The following KCNH7 variants were observed in gnomAD, a reference collection of about 807,000 sequenced individuals.
KCNH7 encodes potassium voltage-gated channel subfamily H member 7.
A neutral mutation model predicts 120.8 loss-of-function variants in KCNH7; 49 were observed. The ratio of observed to expected loss-of-function variants is 0.41; its 90% CI spans 0.32 to 0.51. The LOEUF is 0.51. Ranked by LOEUF, KCNH7 falls within the 20% of genes least tolerant of loss-of-function variation. The pLI is 0.38. For synonymous variants in KCNH7, 547 were observed against 516.1 expected (o/e 1.06, Z -0.81); for missense variants, 1,097 against 1,446.6 (o/e 0.76, Z 3.92).
At chr2:162,396,164 A>G (rs1443391306) in intron 11 of KCNH7, among the ~76,000 whole-genome samples, 1 of 151,808 alleles carries the variant, frequency 6.6e-6, no homozygotes, top group Non-Finnish European at 1.5e-5. Flanking sequence ...GTTAACTTAC[A>G]TATATAATTA....
At chr2:162,746,719 A>T (rs935862868) in intron 2 of KCNH7, among the ~76,000 whole-genome samples, 4 of 152,174 alleles carry the variant, frequency 2.6e-5, no homozygotes, top group Non-Finnish European at 4.4e-5. Context: ...TATGGTGTAA[A>T]CTATGAGTAA....
intron 2 of KCNH7, among the ~76,000 whole-genome samples, chr2:162,599,835 C>T (rs1222414919): frequency 1.3e-5 from 2 of 151,976 alleles, no homozygotes; most frequent in South Asian, 2.1e-4. Context: ...CACAATTATG[C>T]TAACTTTCTA....
At chr2:162,515,418 G>T (rs1354677228) in intron 4 of KCNH7, among the ~76,000 whole-genome samples, 1 of 151,736 alleles carries the variant, frequency 6.6e-6, no homozygotes, top group African/African-American at 2.4e-5. Context: ...CAGCACCACT[G>T]TCCAAACACA....
intron 9 of KCNH7, among the ~76,000 whole-genome samples, chr2:162,407,297 G>A (rs1295781282): frequency 1.3e-5 from 2 of 151,956 alleles, no homozygotes; most frequent in African/African-American, 2.4e-5. Context: ...TGTAAATCCC[G>A]AACCAGTTTT....
At chr2:162,629,675 G>GTT (rs1683695555) in intron 2 of KCNH7, among the ~76,000 whole-genome samples, 1 of 152,094 alleles carries the variant, frequency 6.6e-6, no homozygotes, top group Non-Finnish European at 1.5e-5. Context: ...ATAGTGCAGA[G>GTT]TTTTTCCCAA....
At chr2:162,754,793 A>T (rs1343435287) in intron 2 of KCNH7, among the ~76,000 whole-genome samples, 1 of 152,212 alleles carries the variant, frequency 6.6e-6, no homozygotes, top group African/African-American at 2.4e-5. Context: ...AAAATGAATT[A>T]TGAAGAAGCC....
At chr2:162,448,956 G>A (rs545096939) in intron 6 of KCNH7, among the ~76,000 whole-genome samples, 5 of 152,052 alleles carry the variant, frequency 3.3e-5, no homozygotes, top group Admixed American at 1.3e-4. Flanking sequence ...GGATTTTTGG[G>A]AAAAGATGGC....
intron 14 of KCNH7, among the ~76,000 whole-genome samples, chr2:162,376,368 G>GT (rs554245457): frequency 0.013 from 1,713 of 135,614 alleles, 5 homozygotes; most frequent in Non-Finnish European, 0.017. Flanking sequence ...AGTGTGGTTT[G>GT]TTTTTTTTTT....
intron 9 of KCNH7, among the ~76,000 whole-genome samples, chr2:162,410,667 C>T (rs1399296810): frequency 1.3e-5 from 2 of 151,978 alleles, no homozygotes; most frequent in Admixed American, 6.6e-5. Flanking sequence ...AGAAAACCTA[C>T]AGAATGGGAG....
chr2:162,416,235 T>A lies in KCNH7; in HGVS notation c.2154+7101A>T, dbSNP rs528146987. On this transcript the variant is annotated intron_variant, in intron 9 of 15. Coordinates refer to ENST00000332142, the MANE Select transcript of KCNH7 (RefSeq NM_033272.4). The stretch of plus-strand genomic sequence containing the variant: ...TAAAAATACAAAAATTAGCCCAGCA[T>A]CATGGTGGGCGCCTGTAGTACCAGC... Among the ~76,000 whole-genome samples, 3 of 152,088 alleles carry A rather than the reference T, an allele frequency of 2.0e-5. 1 individual carries two copies. Among genetic ancestry groups the A allele is most frequent in the Admixed American group, 2.0e-4 (3 of 15,262 alleles).
chr2:162,808,065 C>G (rs1262706772), intron 2 of KCNH7, among the ~76,000 whole-genome samples: 2 of 152,052 alleles, frequency 1.3e-5, no homozygotes, highest in Non-Finnish European at 2.9e-5. Flanking sequence ...CTATGGATAC[C>G]AAAATCCATG....
At chr2:162,752,523 C>T (rs561254487) in intron 2 of KCNH7, among the ~76,000 whole-genome samples, 37 of 152,038 alleles carry the variant, frequency 2.4e-4, no homozygotes, top group Middle Eastern at 6.8e-3. Flanking sequence ...TTATATTTTT[C>T]GGATTTAAAA....
At chr2:162,808,963 G>A (rs1286316861) in intron 2 of KCNH7, among the ~76,000 whole-genome samples, 3 of 152,098 alleles carry the variant, frequency 2.0e-5, no homozygotes. Context: ...AGGGTTTGGA[G>A]GGTGAAGACT....
At chr2:162,531,683 A>G (rs1691930257) in intron 3 of KCNH7, among the ~76,000 whole-genome samples, 1 of 151,958 alleles carries the variant, frequency 6.6e-6, no homozygotes, top group South Asian at 2.1e-4. Flanking sequence ...AGATTGATGA[A>G]TTAGTAATTC....
chr2:162,825,114 GT>G (rs1156354272), intron 2 of KCNH7, among the ~76,000 whole-genome samples: 3 of 152,046 alleles, frequency 2.0e-5, no homozygotes, highest in East Asian at 1.9e-4. Context: ...CTTGGTATCA[GT>G]TTCTGAATCT....
intron 2 of KCNH7, among the ~76,000 whole-genome samples, chr2:162,598,549 T>C (rs1694451720): frequency 1.3e-5 from 2 of 152,118 alleles, no homozygotes; most frequent in African/African-American, 2.4e-5. Context: ...GTATTTTATG[T>C]GCACTTAAAC....
At chr2:162,376,595 C>T (rs1241041929) in intron 14 of KCNH7, among the ~76,000 whole-genome samples, 1 of 152,028 alleles carries the variant, frequency 6.6e-6, no homozygotes, top group Non-Finnish European at 1.5e-5. Context: ...AACTCCTGAC[C>T]TTGTGATCTA....
Position 162,764,965 on chromosome 2 carries a change from A to G in KCNH7, c.307+71572T>C, listed in dbSNP as rs1245891480. The stretch of plus-strand genomic sequence containing the variant: ...TTGTTAGACATATATAGCCATATAA[A>G]CATCAGAGCTATAAAACCAAATTTA... On this transcript the variant is annotated intron_variant, in intron 2 of 15. Transcript: ENST00000332142. Among the ~76,000 whole-genome samples the G allele has an allele frequency of 4.6e-5, 7 of 152,330 alleles. No individual in the cohort carries two copies. In the East Asian group the frequency reaches 1.2e-3, roughly 25 times the overall value.
At chr2:162,615,505 A>G (rs1683113454) in intron 2 of KCNH7, among the ~76,000 whole-genome samples, 1 of 152,178 alleles carries the variant, frequency 6.6e-6, no homozygotes, top group South Asian at 2.1e-4. Flanking sequence ...ATTCTTTGTA[A>G]GATTCTCCTG....
Sources: gnomAD v4.1 joint callset for allele counts (sites outside exome capture counted in the v4.1 genomes callset) on GRCh38, gnomAD v4.1.1 for gene constraint, MANE v1.5 for transcripts, NCBI Gene and HGNC (gene_info 2026-07-23, HGNC 2026-07-21) for gene names.